Variants in AUTS2 observed in about 807,000 individuals in gnomAD.
AUTS2 encodes autism susceptibility gene 2 protein.
In AUTS2, 17 loss-of-function variants were observed where a neutral mutation model predicts 112.4. The observed-to-expected ratio is 0.15, with a 90% CI of 0.10 to 0.23. AUTS2 has a LOEUF of 0.23. AUTS2 is among the 10% of genes least tolerant of loss of function. The pLI, the probability that AUTS2 is intolerant of heterozygous loss-of-function variation, is 1.00. For synonymous variants in AUTS2, 751 were observed against 702.7 expected, an observed-to-expected ratio of 1.07 and a Z score of -1.09; for missense variants, 1,510 against 1,701.6, an observed-to-expected ratio of 0.89 and a Z score of 1.98.
intron 10 of AUTS2, among the ~76,000 whole-genome samples, chr7:70,769,098 T>C (rs1314623667): frequency 3.3e-5 from 5 of 152,130 alleles, no homozygotes; most frequent in African/African-American, 1.2e-4. Flanking sequence ...AAGTCAAGGC[T>C]AGAAAATATT....
At chr7:69,773,787 G>T (rs1036398606) in intron 1 of AUTS2, among the ~76,000 whole-genome samples, 39 of 152,312 alleles carry the variant, frequency 2.6e-4, no homozygotes, top group African/African-American at 9.4e-4. Context: ...AGTATCAGCG[G>T]GGTCCAGCCT....
chr7:70,240,447 C>T (rs1351072935), intron 4 of AUTS2, among the ~76,000 whole-genome samples: 1 of 152,132 alleles, frequency 6.6e-6, no homozygotes. Context: ...GATGGTAGTA[C>T]ACTTATAATC....
chr7:70,361,590 G>T (rs922324671), intron 4 of AUTS2, among the ~76,000 whole-genome samples: 2 of 152,110 alleles, frequency 1.3e-5, no homozygotes, highest in African/African-American at 4.8e-5. Flanking sequence ...CTTCCTAGAA[G>T]AATCTGCCAC....
At chr7:70,497,792 C>A (rs1798615132) in intron 5 of AUTS2, among the ~76,000 whole-genome samples, 1 of 152,180 alleles carries the variant, frequency 6.6e-6, no homozygotes, top group African/African-American at 2.4e-5. Flanking sequence ...CACAGCCAGT[C>A]TGAGAAAGCA....
chr7:70,325,823 G>T (rs1790461238), intron 4 of AUTS2, among the ~76,000 whole-genome samples: 1 of 152,150 alleles, frequency 6.6e-6, no homozygotes, highest in Non-Finnish European at 1.5e-5. Flanking sequence ...TTATCAAGCT[G>T]CTGTGGGGAT....
intron 4 of AUTS2, among the ~76,000 whole-genome samples, chr7:70,248,391 T>G (rs890277788): frequency 1.3e-5 from 2 of 152,182 alleles, no homozygotes; most frequent in Admixed American, 6.5e-5. Context: ...CCCAAAGTGC[T>G]GAGATTACAG....
At chr7:70,455,511 C>T (rs982463328) in intron 5 of AUTS2, among the ~76,000 whole-genome samples, 2 of 152,168 alleles carry the variant, frequency 1.3e-5, no homozygotes, top group East Asian at 1.9e-4. Flanking sequence ...GATAGGAACG[C>T]GGGACTTCCC....
intron 5 of AUTS2, among the ~76,000 whole-genome samples, chr7:70,464,419 C>T (rs925638681): frequency 3.9e-5 from 6 of 152,210 alleles, no homozygotes; most frequent in Admixed American, 2.6e-4. Flanking sequence ...ATGCCAGATA[C>T]TTTTAAGCAC....
rs76227039 is a variant in AUTS2 at position 70,560,346 on chromosome 7, C to G, written c.690+124565C>G. Among the ~76,000 whole-genome samples the G allele has an allele frequency of 9.0e-3, 1,353 of 150,134 alleles. 12 individuals carry two copies. The highest frequency in any genetic ancestry group is 0.014 in the Non-Finnish European group (976 of 68,000). ...TTCACTTACTTACTGCCTGTCTGCT[C>G]CATTGAAGTGTTGGTGCCACAAGGA... On this transcript the variant is annotated intron_variant, in intron 5 of 18. Transcript: ENST00000342771.
intron 4 of AUTS2, among the ~76,000 whole-genome samples, chr7:70,327,159 C>G (rs1335653166): frequency 6.6e-6 from 1 of 152,074 alleles, no homozygotes; most frequent in Non-Finnish European, 1.5e-5. Context: ...CTCAGGTGAT[C>G]TGCCCGCCTT....
chr7:70,581,819 T>C (rs1449400467), intron 5 of AUTS2, among the ~76,000 whole-genome samples: 2 of 152,186 alleles, frequency 1.3e-5, no homozygotes, highest in Admixed American at 6.5e-5. Context: ...TAATGTGGTG[T>C]AGTTGACTTG....
At chr7:69,891,917 C>T (rs192123333) in intron 1 of AUTS2, among the ~76,000 whole-genome samples, 194 of 146,230 alleles carry the variant, frequency 1.3e-3, no homozygotes, top group Non-Finnish European at 2.6e-3. Context: ...CCTCAGCCTC[C>T]GAGTAGCTGG....
At chr7:70,301,930 T>C (rs931000197) in intron 4 of AUTS2, among the ~76,000 whole-genome samples, 2 of 135,814 alleles carry the variant, frequency 1.5e-5, no homozygotes, top group African/African-American at 5.9e-5. Context: ...GTGTTTTGTT[T>C]TTTGTGGTTT....
intron 5 of AUTS2, among the ~76,000 whole-genome samples, chr7:70,684,096 A>G (rs1045469093): frequency 2.0e-5 from 3 of 152,100 alleles, no homozygotes; most frequent in Non-Finnish European, 4.4e-5. Context: ...CTGCAAGTCA[A>G]TATTTGGACC....
chr7:70,130,660 G>T (rs1806223819), intron 3 of AUTS2, among the ~76,000 whole-genome samples: 1 of 151,522 alleles, frequency 6.6e-6, no homozygotes, highest in South Asian at 2.1e-4. Flanking sequence ...AGTTTGCAGA[G>T]ATTGCTGGAG....
chr7:70,485,958 G>A (rs1797977617), intron 5 of AUTS2, among the ~76,000 whole-genome samples: 2 of 151,752 alleles, frequency 1.3e-5, no homozygotes, highest in African/African-American at 4.8e-5. Context: ...ACCAAAGGCT[G>A]TCACTTGTTG....
At chr7:70,400,544 G>A (rs1794281925) in intron 4 of AUTS2, among the ~76,000 whole-genome samples, 1 of 152,188 alleles carries the variant, frequency 6.6e-6, no homozygotes, top group Admixed American at 6.5e-5. Context: ...GAGCAGTCAG[G>A]ATTGGGCACA....
At chr7:70,469,335 T>C (rs1456366760) in intron 5 of AUTS2, among the ~76,000 whole-genome samples, 1 of 152,098 alleles carries the variant, frequency 6.6e-6, no homozygotes, top group Non-Finnish European at 1.5e-5. Flanking sequence ...GATACAGTGA[T>C]CAGGGGCAGC....
At chr7:70,186,145 A>G (rs962621847) in intron 4 of AUTS2, among the ~76,000 whole-genome samples, 3 of 152,116 alleles carry the variant, frequency 2.0e-5, no homozygotes, top group Non-Finnish European at 4.4e-5. Flanking sequence ...ATGTAGCTAT[A>G]TATAATGGGA....
Sources: gnomAD v4.1 joint callset for allele counts (sites outside exome capture counted in the v4.1 genomes callset) on GRCh38, gnomAD v4.1.1 for gene constraint, MANE v1.5 for transcripts, NCBI Gene and HGNC (gene_info 2026-07-23, HGNC 2026-07-21) for gene names.